Variants in CUL9 observed in about 807,000 individuals in gnomAD.
CUL9 encodes the protein cullin 9.
A neutral mutation model predicts 272.6 loss-of-function variants in CUL9; 79 were observed. The ratio of observed to expected loss-of-function variants is 0.29; its 90% CI spans 0.24 to 0.35. The LOEUF (loss-of-function observed/expected upper bound fraction) is 0.35. CUL9 is among the 10% of genes least tolerant of loss of function. The pLI, the probability that CUL9 is intolerant of heterozygous loss-of-function variation, is 1.00. For missense variants in CUL9, 2,532 were observed against 3,255.6 expected, an observed-to-expected ratio of 0.78 and a Z score of 5.41; for synonymous variants, 1,186 against 1,286.5, an observed-to-expected ratio of 0.92 and a Z score of 1.67.
chr6:43,209,751 T>A (rs182836301), intron 26 of CUL9, among the ~76,000 whole-genome samples: 20 of 151,768 alleles, frequency 1.3e-4, no homozygotes, highest in Middle Eastern at 3.5e-3. Flanking sequence ...GTTCAAGTGA[T>A]TCTCCTGCCT....
At chr6:43,211,516 C>T (rs571735966) in intron 26 of CUL9, among the ~76,000 whole-genome samples, 33 of 152,256 alleles carry the variant, frequency 2.2e-4, no homozygotes, top group Admixed American at 8.5e-4. Context: ...CGGGATCGTG[C>T]CACTGCACTC....
chr6:43,198,454 G>A, intron 11 of CUL9, 155 bp from the exon 12 acceptor site: 1 of 985,178 alleles, frequency 1.0e-6, no homozygotes, highest in Non-Finnish European at 1.2e-6. Flanking sequence ...TTGGGGTCAG[G>A]AAAGAAAACC....
chr6:43,192,335 G>T (rs867161734), intron 8 of CUL9, among the ~76,000 whole-genome samples: 1 of 152,212 alleles, frequency 6.6e-6, no homozygotes, highest in South Asian at 2.1e-4. Flanking sequence ...GGCATGAGCT[G>T]CTGCACCTGA....
rs1242593273 is a variant in CUL9 at position 43,213,278 on chromosome 6, A to C, written c.5342A>C (p.Lys1781Thr). ...ACCGTGCAGATGTGGCTGCTGCTGAAATTCAATCAGACAGAGGTGCTTCAG... is the reference window on the plus strand; with the variant it reads ...ACCGTGCAGATGTGGCTGCTGCTGACATTCAATCAGACAGAGGTGCTTCAG... Reference protein sequence around the residue: ...VSTVQMWLLLKFNQTEEVSVE... With the variant: ...VSTVQMWLLLTFNQTEEVSVE... The change falls in exon 27 of 41, where the codon AAA becomes ACA. Residue 1781 changes from lysine to threonine, a missense_variant. Lys to Thr is a moderately conservative substitution (Grantham distance 78). This residue lies in a region of CUL9 where 2,218 missense variants were observed against 2,788.6 expected (regional missense o/e 0.80). Transcript: ENST00000252050. This position sits in a 1 kb window ranked among gnomAD's most constrained non-coding sequence, Gnocchi z 5.7. The C allele has an allele frequency of 6.2e-6, 10 of 1,613,576 alleles. No homozygotes were observed. In the South Asian group the frequency reaches 8.8e-5, roughly 14 times the overall value.
chr6:43,186,952 C>A lies in CUL9; in HGVS notation c.1252-8C>A. On this transcript the variant is annotated splice_region_variant and splice_polypyrimidine_tract_variant and intron_variant, in intron 4 of 40. Coordinates refer to ENST00000252050, the MANE Select transcript of CUL9 (RefSeq NM_015089.4). Reference sequence around the variant, plus strand: ...TATTCTGCTCTCTTTCTTCCTCCCTCATACCAGGTTTTCTGGCAGTCGACA... The same window carrying A: ...TATTCTGCTCTCTTTCTTCCTCCCTAATACCAGGTTTTCTGGCAGTCGACA... 6.2e-7 allele frequency: 1 copy of A among 1,613,672 alleles called. No homozygotes were observed. The highest frequency in any genetic ancestry group is 8.5e-7 in the Non-Finnish European group (1 of 1,179,730).
Position 43,213,542 on chromosome 6 carries a change from T to C in CUL9, c.5463T>C (p.His1821=). The C allele has an allele frequency of 6.2e-7, 1 of 1,608,454 alleles. No individual in the cohort carries two copies. The highest frequency in any genetic ancestry group is 8.5e-7 in the Non-Finnish European group (1 of 1,178,266). The change falls in exon 28 of 41, where the codon CAT becomes CAC. Residue 1821 remains histidine, a synonymous_variant. Coordinates refer to ENST00000252050, the MANE Select transcript of CUL9 (RefSeq NM_015089.4). This position sits in a 1 kb window ranked among gnomAD's most constrained non-coding sequence, Gnocchi z 5.7. ...LTSGNGPLTL[H]EGQDFPHGGV... ...CAGGGAATGGCCCTTTGACCCTGCA[T>C]GAGGGCCAGGACTTTCCACACGGGG...
At chr6:43,222,009 A>G (rs776093440) in intron 35 of CUL9, 35 of 594,088 alleles carry the variant, frequency 5.9e-5, no homozygotes, top group Non-Finnish European at 1.0e-4. Flanking sequence ...GGCTACAGAA[A>G]GGCTGGGGAG....
In CUL9 at chr6:43,215,273, G is replaced by A. The variant is rs1775842913; in HGVS notation, c.5883G>A (p.Arg1961=). The A allele has an allele frequency of 6.2e-7, 1 of 1,613,982 alleles. No individual in the cohort carries two copies. The highest frequency in any genetic ancestry group is 8.5e-7 in the Non-Finnish European group (1 of 1,180,008). Residue 1961 remains arginine, a synonymous_variant, in exon 30 of 41, where the codon CGG becomes CGA. Transcript: ENST00000252050. ...YAAPEPMGPC[R]GQADVPFCGS... ...CTCCAGAGCCCATGGGGCCCTGCCG[G>A]GGTCAGGCAGATGTCCCTTTCTGTG...
At position 43,218,988 on chromosome 6, in the gene CUL9, C is replaced by T. The variant is rs1442018430; in HGVS notation, c.6283-1471C>T. Among the ~76,000 whole-genome samples, 2 of 151,982 alleles carry T rather than the reference C, an allele frequency of 1.3e-5. No individual in the cohort carries two copies. Among genetic ancestry groups the T allele is most frequent in the African/African-American group, 4.8e-5 (2 of 41,376 alleles). ...ACGGGGGGTCTCAGGAGTTTGAGAC[C>T]AGCCTAGACAACACAGCAAGACCCC... On this transcript the variant is annotated intron_variant, in intron 31 of 40. Transcript: ENST00000252050. This position sits in a 1 kb window ranked among gnomAD's most constrained non-coding sequence, Gnocchi z 4.4.
rs756343801 is a variant in CUL9, at chr6:43,203,084, T to C, written c.3754-25T>C. On this transcript the variant is annotated intron_variant, in intron 17 of 40. Coordinates refer to ENST00000252050, the MANE Select transcript of CUL9 (RefSeq NM_015089.4). This position sits in a 1 kb window ranked among gnomAD's most constrained non-coding sequence, Gnocchi z 5.0. ...CTTGTTTCTGGAGGTGACAGTTCTC[T>C]CCCTCTTCTCCCCTGCCCTACCAGG... 21 of 1,611,316 alleles carry C rather than the reference T, an allele frequency of 1.3e-5. No individual in the cohort carries two copies. In the South Asian group the frequency reaches 2.3e-4, roughly 18 times the overall value.
chr6:43,220,472 A>G lies in CUL9; in HGVS notation c.6296A>G (p.Glu2099Gly), dbSNP rs749247692. 3.1e-6 allele frequency: 5 copies of G among 1,614,104 alleles called. No individual in the cohort carries two copies. The East Asian group carries it at 1.1e-4, about 36-fold the overall frequency. ...MHYCCKSCWN[E>G]YLTTRIEQNL... is the part of the protein sequence containing the mutation. ...TGTCCCTCCCAGTCTTGCTGGAATG[A>G]GTACCTGACAACTCGGATCGAGCAG... The change falls in exon 32 of 41, where the codon GAG (glutamate) becomes GGG (glycine). Residue 2099 changes from glutamate to glycine, a missense_variant. Physicochemically the swap from Glu to Gly is moderately conservative, Grantham distance 98. This residue lies in a region of CUL9 where 2,218 missense variants were observed against 2,788.6 expected (regional missense o/e 0.80). Transcript: ENST00000252050. The surrounding 1 kb of genome is among the most constrained non-coding windows in gnomAD (Gnocchi z 4.9).
rs1333631084 is a variant in CUL9, at chr6:43,206,287, G to A, written c.5023-34G>A. ...AGAGAAGACTAGACCAAGGAAGGGAGCCCAAGGGCCCTTGAAATCCTTCTG... is the reference window on the plus strand; with the variant it reads ...AGAGAAGACTAGACCAAGGAAGGGAACCCAAGGGCCCTTGAAATCCTTCTG... On this transcript the variant is annotated intron_variant, in intron 25 of 40. Coordinates refer to ENST00000252050, the MANE Select transcript of CUL9 (RefSeq NM_015089.4). The surrounding 1 kb of genome is among the most constrained non-coding windows in gnomAD (Gnocchi z 4.8). 1.2e-6 allele frequency: 2 copies of A among 1,612,470 alleles called. No homozygotes were observed. The highest frequency in any genetic ancestry group is 1.7e-6 in the Non-Finnish European group (2 of 1,178,928).
Position 43,184,162 on chromosome 6 carries a change from C to T in CUL9, c.-9-140C>T. Reference sequence around the variant, plus strand: ...GCTATTTATTCCATCCTATTTTTTGCCTTTTCTGTTTGGCCTCCTAAATTC... The same window carrying T: ...GCTATTTATTCCATCCTATTTTTTGTCTTTTCTGTTTGGCCTCCTAAATTC... On this transcript the variant is annotated intron_variant, in intron 1 of 40. Coordinates refer to ENST00000252050, the MANE Select transcript of CUL9 (RefSeq NM_015089.4). This position sits in a 1 kb window ranked among gnomAD's most constrained non-coding sequence, Gnocchi z 4.8. The T allele has an allele frequency of 5.8e-6, 3 of 520,528 alleles. No homozygotes were observed. The highest frequency in any genetic ancestry group is 4.5e-5 in the South Asian group (1 of 22,268). 32.2% of individuals were successfully genotyped at this position (520,528 alleles called of 1,614,324 possible).
Position 43,221,536 on chromosome 6 carries a change from T to C in CUL9, c.6753-149T>C. On this transcript the variant is annotated intron_variant, in intron 34 of 40. Coordinates refer to ENST00000252050, the MANE Select transcript of CUL9 (RefSeq NM_015089.4). The surrounding 1 kb of genome is among the most constrained non-coding windows in gnomAD (Gnocchi z 4.2). ...GACTGGGGGAGTTCAAAAGCAGAGG[T>C]GCATTCAGCAGGGCTGGGTATGACT... 1.2e-6 allele frequency: 1 copy of C among 864,908 alleles called. No individual in the cohort carries two copies. Among genetic ancestry groups the C allele is most frequent in the Non-Finnish European group, 1.8e-6 (1 of 566,808 alleles). The allele number at this position is 864,908 out of a possible 1,614,324, so 53.6% of individuals were successfully genotyped here.
At chr6:43,205,678 A>AGGTGTGGT (rs1774986279) in intron 24 of CUL9, among the ~76,000 whole-genome samples, 1 of 151,970 alleles carries the variant, frequency 6.6e-6, no homozygotes, top group Non-Finnish European at 1.5e-5. Context: ...AAAATTAGCC[A>AGGTGTGGT]GGTGTGGTGG....
Position 43,213,926 on chromosome 6 carries a change from G to A in CUL9, c.5688+14G>A. 1 of 1,613,652 alleles carries A rather than the reference G, an allele frequency of 6.2e-7. No homozygotes were observed. The highest frequency in any genetic ancestry group is 8.5e-7 in the Non-Finnish European group (1 of 1,179,840). On this transcript the variant is annotated intron_variant, in intron 29 of 40. Transcript: ENST00000252050. This position sits in a 1 kb window ranked among gnomAD's most constrained non-coding sequence, Gnocchi z 5.7. Reference sequence around the variant, plus strand: ...CTGGTTTGTCTGGTAGGCAGAGAGGGGACCATGAAGTTGGCGGAGGGAGGG... The same window carrying A: ...CTGGTTTGTCTGGTAGGCAGAGAGGAGACCATGAAGTTGGCGGAGGGAGGG...
In CUL9 at chr6:43,221,272, C is replaced by T. The variant is rs1385216171; in HGVS notation, c.6703C>T (p.Arg2235Cys). Residue 2235 changes from arginine to cysteine, a missense_variant, in exon 34 of 41, where the codon CGC (arginine) becomes TGC (cysteine). By Grantham distance (180) the Arg-to-Cys change is radical (BLOSUM62 -3). Coordinates refer to ENST00000252050, the MANE Select transcript of CUL9 (RefSeq NM_015089.4). This position sits in a 1 kb window ranked among gnomAD's most constrained non-coding sequence, Gnocchi z 4.2. Reference sequence around the variant, plus strand: ...GCACCTGGCCAAGCTCATCTCCAAGCGCTGTCCCAGCTGTCAGGCTCCCAT... The same window carrying T: ...GCACCTGGCCAAGCTCATCTCCAAGTGCTGTCCCAGCTGTCAGGCTCCCAT... ...SKHLAKLISK[R>C]CPSCQAPIEK... The T allele has an allele frequency of 1.9e-6, 3 of 1,611,276 alleles. No homozygotes were observed. Among genetic ancestry groups the T allele is most frequent in the South Asian group, 2.2e-5 (2 of 91,030 alleles).
chr6:43,193,290 G>A (rs1336038184), intron 9 of CUL9, 82 bp downstream of exon 9: 1 of 1,265,956 alleles, frequency 7.9e-7, no homozygotes, highest in Non-Finnish European at 1.1e-6. Flanking sequence ...GGGTACTTTG[G>A]TGCTTCAGAT....
In CUL9 at chr6:43,187,897, C is replaced by G; in HGVS notation, c.1766C>G (p.Ser589Cys). ...AGCTCGTCTACTTCACGAAATCACT[C>G]CTGTACCCCAGATCCAGAAGAGGAG... ...PSSSSTSRNH[S>C]CTPDPEEESK... The change falls in exon 7 of 41, where the codon TCC (serine) becomes TGC (cysteine). Residue 589 changes from serine (S) to cysteine (C), a missense_variant. Ser to Cys is a moderately radical substitution (Grantham distance 112, BLOSUM62 -1). Coordinates refer to ENST00000252050, the MANE Select transcript of CUL9 (RefSeq NM_015089.4). 1.2e-6 allele frequency: 2 copies of G among 1,614,116 alleles called. No homozygotes were observed. Among genetic ancestry groups the G allele is most frequent in the East Asian group, 2.2e-5 (1 of 44,880 alleles).
Sources: gnomAD v4.1 joint callset for allele counts (sites outside exome capture counted in the v4.1 genomes callset) on GRCh38, gnomAD v4.1.1 for gene constraint, gnomAD v4.1.1 regional missense constraint, Gnocchi (gnomAD v3.1) non-coding constraint, MANE v1.5 for transcripts, NCBI Gene and HGNC (gene_info 2026-07-23, HGNC 2026-07-21) for gene names.